Variants in GABRQ observed in about 807,000 individuals in gnomAD.
GABRQ encodes the protein gamma-aminobutyric acid type A receptor subunit theta, also known as gamma-aminobutyric acid receptor subunit theta.
Under a neutral mutation model 30.5 loss-of-function variants are expected in GABRQ, and 19 were observed. That is an observed-to-expected ratio of 0.62 (90% CI 0.43 to 0.91). The LOEUF (loss-of-function observed/expected upper bound fraction) is 0.91. GABRQ is among the 40% of genes least tolerant of loss of function. The pLI, the probability that GABRQ is intolerant of heterozygous loss-of-function variation, is 0.00. For synonymous variants in GABRQ, 187 were observed against 210.2 expected (o/e 0.89, Z 0.95); for missense variants, 520 against 521.4 (o/e 1.00, Z 0.03).
At chrX:152,643,834 T>A (rs1246749723) in intron 2 of GABRQ, among the ~76,000 whole-genome samples, 4 of 111,739 alleles carry the variant, frequency 3.6e-5, no homozygotes, top group Non-Finnish European at 5.6e-5. Context: ...TCACTTAGTC[T>A]CACACATTAG....
chrX:152,658,225 T>A (rs1271851081), downstream of GABRQ, among the ~76,000 whole-genome samples: 1 of 111,497 alleles, frequency 9.0e-6, no homozygotes, highest in African/African-American at 3.3e-5. Context: ...TAGTCCTGTC[T>A]CTCCCTGGCC....
In GABRQ at chrX:152,654,963, T is replaced by C. The variant is rs1474715738; in HGVS notation, c.*1682T>C. Reference sequence around the variant, plus strand: ...CCGTGTCTAGTGGTGTAAATCTACATTGGTGTGTACAGAATTGTATCTACA... The same window carrying C: ...CCGTGTCTAGTGGTGTAAATCTACACTGGTGTGTACAGAATTGTATCTACA... On this transcript the variant is annotated 3_prime_UTR_variant, in exon 9 of 9. Transcript: ENST00000598523. 2 of 112,582 alleles carry C rather than the reference T, an allele frequency of 1.8e-5. No individual in the cohort carries two copies. The highest frequency in any genetic ancestry group is 9.4e-5 in the Admixed American group (1 of 10,689). 9.3% of individuals were successfully genotyped at this position (112,582 alleles called of 1,213,427 possible).
chrX:152,640,600 T>A, intron 2 of GABRQ, 134 bp downstream of exon 2: 2 of 543,500 alleles, frequency 3.7e-6, no homozygotes. Context: ...GATCCCACCT[T>A]CCTGACTCTG....
intron 2 of GABRQ, among the ~76,000 whole-genome samples, chrX:152,642,827 T>C (rs1250916537): frequency 8.9e-6 from 1 of 111,811 alleles, no homozygotes; most frequent in African/African-American, 3.3e-5. Flanking sequence ...ATTATCTGTT[T>C]AGGGATATGG....
intron 1 of GABRQ, among the ~76,000 whole-genome samples, chrX:152,640,169 G>GT (rs1264072498): frequency 4.2e-5 from 4 of 95,811 alleles, no homozygotes; most frequent in African/African-American, 1.8e-4. Context: ...AGCTGGGAAG[G>GT]TGGGGGGGGG....
downstream of GABRQ, among the ~76,000 whole-genome samples, chrX:152,658,611 A>G (rs1427160659): frequency 8.9e-6 from 1 of 112,153 alleles, no homozygotes; most frequent in Non-Finnish European, 1.9e-5. Flanking sequence ...CCTCTCAGCC[A>G]CTGGATGGGA....
chrX:152,649,720 C>T, intron 5 of GABRQ, 22 bp from the exon 6 acceptor site: 1 of 1,162,974 alleles, frequency 8.6e-7, no homozygotes, highest in Non-Finnish European at 1.2e-6. Flanking sequence ...TCTGAGACTA[C>T]CTCTGTTTCT....
At chrX:152,658,419 C>T (rs1385090307), downstream of GABRQ, among the ~76,000 whole-genome samples, 1 of 112,260 alleles carries the variant, frequency 8.9e-6, no homozygotes, top group Non-Finnish European at 1.9e-5. Flanking sequence ...CCAGCTAGGG[C>T]CCTTTCCCTC....
At position 152,653,285 on chromosome X, in the gene GABRQ, C is replaced by T; in HGVS notation, c.*4C>T. 1.7e-6 allele frequency: 2 copies of T among 1,177,452 alleles called. No homozygotes were observed. The highest frequency in any genetic ancestry group is 1.2e-6 in the Non-Finnish European group (1 of 868,304). ...CTGGGTATACCATATGTATTAGTCC[C>T]CCAGTGCTCCAGAACAGCGGGAGCA... On this transcript the variant is annotated 3_prime_UTR_variant, in exon 9 of 9. Transcript: ENST00000598523.
Position 152,643,340 on chromosome X carries a change from A to G in GABRQ, c.239-2187A>G, listed in dbSNP as rs782042984. On this transcript the variant is annotated intron_variant, in intron 2 of 8. Coordinates refer to ENST00000598523, the MANE Select transcript of GABRQ (RefSeq NM_018558.4). ...GCTGCCATTCAGATGCTTATTCCCA[A>G]TAGAGCTTTCCTTTGTGAAGCTTTG... Among the ~76,000 whole-genome samples, 19 of 112,444 alleles carry G rather than the reference A, an allele frequency of 1.7e-4. No homozygotes were observed. In the East Asian group the frequency reaches 2.5e-3, roughly 15 times the overall value.
At position 152,640,408 on chromosome X, in the gene GABRQ, A is replaced by G; in HGVS notation, c.180A>G (p.Gln60=). The change falls in exon 2 of 9, where the codon CAA becomes CAG. Residue 60 remains glutamine, a synonymous_variant. Transcript: ENST00000598523. ...CKNCANEAVV[Q]KILDRVLSRY... ...ATTGTGCAAATGAAGCTGTGGTTCA[A>G]AAGATTTTGGACAGGGTGCTGTCAA... The G allele has an allele frequency of 8.3e-7, 1 of 1,205,922 alleles. No individual in the cohort carries two copies. The highest frequency in any genetic ancestry group is 1.1e-6 in the Non-Finnish European group (1 of 889,983).
At chrX:152,646,518 A>G (rs1930889854) in intron 3 of GABRQ, among the ~76,000 whole-genome samples, 1 of 112,610 alleles carries the variant, frequency 8.9e-6, no homozygotes, top group Non-Finnish European at 1.9e-5. Flanking sequence ...GTTGAGTGAA[A>G]GAAGCAAATT....
intron 6 of GABRQ, among the ~76,000 whole-genome samples, 167 bp from the exon 7 acceptor site, chrX:152,650,261 C>T (rs1930987884): frequency 8.9e-6 from 1 of 111,964 alleles, no homozygotes; most frequent in Admixed American, 9.5e-5. Context: ...TGAGATATGC[C>T]ACTGTCACTG....
chrX:152,651,600 A>G lies in GABRQ; in HGVS notation c.976A>G (p.Lys326Glu). Reference sequence around the variant, plus strand: ...TAAGCTCCCCAACATTTCCTGTATCAAGGCCATTGATATCTATATCCTCGT... The same window carrying G: ...TAAGCTCCCCAACATTTCCTGTATCGAGGCCATTGATATCTATATCCTCGT... The part of the protein sequence containing the change: ...RDKLPNISCI[K>E]AIDIYILVCL... The change falls in exon 8 of 9, where the codon AAG becomes GAG. Residue 326 changes from lysine to glutamate, a missense_variant. Coordinates refer to ENST00000598523, the MANE Select transcript of GABRQ (RefSeq NM_018558.4). The G allele has an allele frequency of 4.1e-6, 5 of 1,207,081 alleles. No individual in the cohort carries two copies. The highest frequency in any genetic ancestry group is 5.6e-6 in the Non-Finnish European group (5 of 890,902).
rs781956726 is a variant in GABRQ at position 152,638,390 on chromosome X, G to T, written c.149+39G>T. The T allele has an allele frequency of 5.1e-6, 6 of 1,176,996 alleles. No individual in the cohort carries two copies. The South Asian group carries it at 1.1e-4, about 21-fold the overall frequency. ...GCCAGGCTAGGCACGGCGGGGACGGGAATGGAGACGGGCAGACGACCTCTG... is the reference window on the plus strand; with the variant it reads ...GCCAGGCTAGGCACGGCGGGGACGGTAATGGAGACGGGCAGACGACCTCTG... On this transcript the variant is annotated intron_variant, in intron 1 of 8. Transcript: ENST00000598523.
Position 152,641,785 on chromosome X carries a change from C to T in GABRQ, c.238+1319C>T, listed in dbSNP as rs782396869. Reference sequence around the variant, plus strand: ...TCCAGGTGTTAGAGTACAGGCAGCACGTCCTTGTATGGCAGCGACTTTGGA... The same window carrying T: ...TCCAGGTGTTAGAGTACAGGCAGCATGTCCTTGTATGGCAGCGACTTTGGA... On this transcript the variant is annotated intron_variant, in intron 2 of 8. Coordinates refer to ENST00000598523, the MANE Select transcript of GABRQ (RefSeq NM_018558.4). Among the ~76,000 whole-genome samples, 26 of 112,559 alleles carry T rather than the reference C, an allele frequency of 2.3e-4. No individual in the cohort carries two copies. The Admixed American group carries it at 2.3e-3, about 10-fold the overall frequency.
At chrX:152,651,966 G>A (rs1205317104) in intron 8 of GABRQ, among the ~76,000 whole-genome samples, 184 bp downstream of exon 8, 1 of 113,113 alleles carries the variant, frequency 8.8e-6, no homozygotes, top group Non-Finnish European at 1.9e-5. Flanking sequence ...CTCCTTTATA[G>A]ATGATCATTG....
At position 152,650,487 on chromosome X, in the gene GABRQ, G is replaced by A; in HGVS notation, c.808G>A (p.Val270Met). ...QVQREVNSYL[V>M]QVYWPTVLTT... ...TCAGAGGGAAGTTAACAGCTACCTT[G>A]TGCAAGTCTACTGGCCTACTGTCCT... Residue 270 changes from valine to methionine, a missense_variant, in exon 7 of 9, where the codon GTG becomes ATG. Val to Met is a conservative substitution (Grantham distance 21). Transcript: ENST00000598523. The A allele has an allele frequency of 2.5e-6, 3 of 1,200,909 alleles. No individual in the cohort carries two copies. The highest frequency in any genetic ancestry group is 1.8e-5 in the South Asian group (1 of 56,679).
rs781849340 is a variant in GABRQ, at chrX:152,653,174, C to A, written c.1792C>A (p.Leu598Ile). ...CSFTEGFSFD[L>I]FNPDYVPKVD... ...CTTCACTGAAGGGTTCTCCTTCGAT[C>A]TCTTTAATCCTGACTACGTCCCAAA... The change falls in exon 9 of 9, where the codon CTC becomes ATC. Residue 598 changes from leucine (L) to isoleucine (I), a missense_variant. Leu to Ile is a conservative substitution (Grantham distance 5, BLOSUM62 2). Coordinates refer to ENST00000598523, the MANE Select transcript of GABRQ (RefSeq NM_018558.4). 8.3e-7 allele frequency: 1 copy of A among 1,209,733 alleles called. No homozygotes were observed. The highest frequency in any genetic ancestry group is 3.0e-5 in the East Asian group (1 of 33,836).
Sources: allele counts gnomAD v4.1 joint callset (sites outside exome capture counted in the v4.1 genomes callset), GRCh38; gene constraint gnomAD v4.1.1; transcripts MANE v1.5; gene names NCBI Gene and HGNC (gene_info 2026-07-23, HGNC 2026-07-21).